UBE2F: variants seen among roughly 807,000 people sequenced by gnomAD.
The protein encoded by UBE2F is NEDD8-conjugating enzyme UBE2F.
Under a neutral mutation model 29.6 loss-of-function variants are expected in UBE2F, and 5 were observed. That is an observed-to-expected ratio of 0.17 (90% confidence interval 0.09 to 0.36). UBE2F has a LOEUF of 0.36. Ranked by LOEUF, UBE2F falls within the 10% of genes least tolerant of loss-of-function variation. The pLI is 1.00. For synonymous variants in UBE2F, 66 were observed against 81.8 expected (o/e 0.81, Z 1.04); for missense variants, 141 against 228.5 (o/e 0.62, Z 2.47).
chr2:237,980,433 G>T (rs1166389423), intron 2 of UBE2F, among the ~76,000 whole-genome samples: 1 of 152,238 alleles, frequency 6.6e-6, no homozygotes, highest in African/African-American at 2.4e-5. Flanking sequence ...TCACGTGGAG[G>T]AGAGAAGGGG....
intron 9 of UBE2F, among the ~76,000 whole-genome samples, chr2:238,036,195 C>A (rs1008895346): frequency 1.3e-5 from 2 of 151,970 alleles, no homozygotes; most frequent in African/African-American, 2.4e-5. Flanking sequence ...TTTTTTGAGA[C>A]AAGATTTCAC....
intron 9 of UBE2F, among the ~76,000 whole-genome samples, chr2:238,036,409 G>A (rs2064709064): frequency 6.6e-6 from 1 of 151,936 alleles, no homozygotes; most frequent in South Asian, 2.1e-4. Flanking sequence ...TGAACGGTTG[G>A]CCTCAAGCAA....
chr2:238,009,926 A>G (rs1394615388), intron 4 of UBE2F, among the ~76,000 whole-genome samples: 1 of 152,194 alleles, frequency 6.6e-6, no homozygotes, highest in Non-Finnish European at 1.5e-5. Context: ...GCCCACCACC[A>G]CAGATACTCC....
intron 4 of UBE2F, among the ~76,000 whole-genome samples, chr2:237,999,084 AT>A (rs1169669078): frequency 6.6e-6 from 1 of 150,606 alleles, no homozygotes; most frequent in African/African-American, 2.5e-5. Context: ...TTATTTATTT[AT>A]TTATTTTTTT....
At chr2:238,030,956 A>T (rs2064561558) in intron 7 of UBE2F, among the ~76,000 whole-genome samples, 1 of 152,232 alleles carries the variant, frequency 6.6e-6, no homozygotes, top group South Asian at 2.1e-4. Context: ...TCTGGCCACT[A>T]GGTGTTGGAG....
At chr2:237,985,552 A>G (rs572664211) in intron 2 of UBE2F, among the ~76,000 whole-genome samples, 48 of 152,346 alleles carry the variant, frequency 3.2e-4, no homozygotes, top group African/African-American at 1.0e-3. Context: ...AGGCTGAACA[A>G]TGTTCCAACA....
intron 1 of UBE2F, among the ~76,000 whole-genome samples, chr2:237,970,285 G>A (rs1176587390): frequency 1.3e-5 from 2 of 152,196 alleles, no homozygotes; most frequent in Non-Finnish European, 2.9e-5. Context: ...TGAGGTGGGA[G>A]GATCTCTTGA....
In UBE2F at chr2:237,994,805, C is replaced by G. The variant is rs1379461961; in HGVS notation, c.210C>G (p.Thr70=). 1.2e-6 allele frequency: 2 copies of G among 1,613,356 alleles called. No homozygotes were observed. Among genetic ancestry groups the G allele is most frequent in the Non-Finnish European group, 8.5e-7 (1 of 1,179,360 alleles). Residue 70 remains threonine (T), a synonymous_variant, in exon 4 of 10, where the codon ACC becomes ACG. Coordinates refer to ENST00000272930, the MANE Select transcript of UBE2F (RefSeq NM_080678.3). ...TTCATTGTTTTCAGCTAACAGTAAC[C>G]CCAGGTAATATTCTTACATAAGTAT... ...NKLHCFQLTV[T]PDEGYYQGGK...
chr2:237,968,410 C>T (rs2106316087), intron 1 of UBE2F, among the ~76,000 whole-genome samples: 1 of 152,292 alleles, frequency 6.6e-6, no homozygotes, highest in South Asian at 2.1e-4. Flanking sequence ...CACTGGCATT[C>T]TGTAGAAGAG....
chr2:238,016,402 C>G, intron 4 of UBE2F, 164 bp from the exon 5 acceptor site: 1 of 602,118 alleles, frequency 1.7e-6, no homozygotes, highest in Non-Finnish European at 2.9e-6. Flanking sequence ...GCAGGACTTC[C>G]ACCAGTGTGT....
chr2:237,991,172 C>T (rs1438633996), intron 3 of UBE2F, among the ~76,000 whole-genome samples: 2 of 152,180 alleles, frequency 1.3e-5, no homozygotes, highest in Non-Finnish European at 2.9e-5. Flanking sequence ...CCCCTTCTTT[C>T]ATTCTTTCTC....
intron 4 of UBE2F, among the ~76,000 whole-genome samples, chr2:237,998,012 G>A (rs760901249): frequency 3.9e-5 from 6 of 152,216 alleles, no homozygotes; most frequent in Non-Finnish European, 7.3e-5. Context: ...TGTTCAGTGA[G>A]TGGCCTGGCT....
chr2:237,995,911 T>C (rs1391123356), intron 4 of UBE2F, among the ~76,000 whole-genome samples: 1 of 152,256 alleles, frequency 6.6e-6, no homozygotes, highest in Non-Finnish European at 1.5e-5. Flanking sequence ...ATCATCATTA[T>C]GTATATATTT....
intron 4 of UBE2F, among the ~76,000 whole-genome samples, chr2:238,005,036 G>A (rs1020240760): frequency 7.2e-5 from 11 of 152,094 alleles, no homozygotes; most frequent in African/African-American, 2.7e-4. Context: ...ACCCATTTTG[G>A]TCTTCTGGCC....
chr2:238,026,300 A>C (rs569372550), intron 6 of UBE2F, among the ~76,000 whole-genome samples: 25 of 152,306 alleles, frequency 1.6e-4, no homozygotes, highest in African/African-American at 6.0e-4. Flanking sequence ...CATGAAATGC[A>C]ATTAGTGGCC....
intron 7 of UBE2F, among the ~76,000 whole-genome samples, chr2:238,031,118 T>C (rs148715858): frequency 3.5e-3 from 528 of 152,362 alleles, no homozygotes; most frequent in Non-Finnish European, 6.1e-3. Context: ...GCAGACTGCA[T>C]GCAGTCCTGA....
intron 2 of UBE2F, among the ~76,000 whole-genome samples, chr2:237,974,440 T>C (rs1374545505): frequency 1.3e-5 from 2 of 151,910 alleles, no homozygotes; most frequent in Non-Finnish European, 2.9e-5. Context: ...TTTGCTCGCT[T>C]TGGCCTCCCA....
At chr2:238,002,321 A>G (rs985548700) in intron 4 of UBE2F, among the ~76,000 whole-genome samples, 29 of 152,158 alleles carry the variant, frequency 1.9e-4, no homozygotes, top group Non-Finnish European at 3.8e-4. Flanking sequence ...CACATTGTGC[A>G]GGTTAGTTAC....
At chr2:238,038,000 G>A (rs1262835609) in intron 9 of UBE2F, among the ~76,000 whole-genome samples, 5 of 152,174 alleles carry the variant, frequency 3.3e-5, no homozygotes, top group South Asian at 2.1e-4. Context: ...ACTGTGTGCC[G>A]CGACCAAGTA....
Sources: gnomAD v4.1 joint callset for allele counts (sites outside exome capture counted in the v4.1 genomes callset) on GRCh38, gnomAD v4.1.1 for gene constraint, MANE v1.5 for transcripts, NCBI Gene and HGNC (gene_info 2026-07-23, HGNC 2026-07-21) for gene names.